The following NUBPL variants were observed in gnomAD, a reference collection of about 807,000 sequenced individuals.
The protein encoded by NUBPL is NUBP iron-sulfur cluster assembly factor, mitochondrial, also known as iron-sulfur cluster transfer protein NUBPL.
A neutral mutation model predicts 45.7 loss-of-function variants in NUBPL; 31 were observed. The ratio of observed to expected loss-of-function variants is 0.68; its 90% confidence interval spans 0.51 to 0.92. NUBPL has a LOEUF of 0.92. NUBPL is among the 40% of genes least tolerant of loss of function. The probability of loss-of-function intolerance (pLI) is 0.00; values close to 1 mark genes in which losing one functional copy is unlikely to be tolerated. For synonymous variants in NUBPL, 144 were observed against 140.9 expected (o/e 1.02, Z -0.15); for missense variants, 401 against 398.7 (o/e 1.01, Z -0.05).
At chr14:31,682,336 C>CA (rs1199534086) in intron 6 of NUBPL, among the ~76,000 whole-genome samples, 1 of 152,140 alleles carries the variant, frequency 6.6e-6, no homozygotes, top group African/African-American at 2.4e-5. Flanking sequence ...AATATAGCCA[C>CA]ATTTGCTTTT....
chr14:31,793,585 G>A (rs1026526760), intron 7 of NUBPL, among the ~76,000 whole-genome samples: 2 of 152,152 alleles, frequency 1.3e-5, no homozygotes, highest in Admixed American at 6.6e-5. Flanking sequence ...GCCAAACTCA[G>A]TGCCTTTCTG....
chr14:31,853,042 T>A (rs2040562012), intron 10 of NUBPL, among the ~76,000 whole-genome samples: 1 of 152,170 alleles, frequency 6.6e-6, no homozygotes, highest in Non-Finnish European at 1.5e-5. Flanking sequence ...TGTTATTTGT[T>A]AATTATCCAC....
intron 6 of NUBPL, among the ~76,000 whole-genome samples, chr14:31,682,239 G>A (rs10146780): frequency 0.037 from 5,634 of 152,056 alleles, 140 homozygotes; most frequent in African/African-American, 0.079. Context: ...TTATGTATTC[G>A]TGGTGAATTT....
chr14:31,616,593 G>A (rs1223831141), intron 4 of NUBPL, among the ~76,000 whole-genome samples: 6 of 152,048 alleles, frequency 3.9e-5, no homozygotes, highest in East Asian at 3.9e-4. Context: ...GATGTGTGGC[G>A]TTATTTCTCA....
chr14:31,813,460 CACACACAT>C (rs1242147245), intron 7 of NUBPL, among the ~76,000 whole-genome samples: 1 of 151,368 alleles, frequency 6.6e-6, no homozygotes, highest in Admixed American at 6.6e-5. Flanking sequence ...CACACACACA[CACACACAT>C]ACATACATAT....
chr14:31,793,828 C>CTTTA (rs1555338718), intron 7 of NUBPL, among the ~76,000 whole-genome samples: 13 of 127,616 alleles, frequency 1.0e-4, no homozygotes, highest in African/African-American at 3.5e-4. Flanking sequence ...CCTTATCTTT[C>CTTTA]TTTTTTTTTT....
chr14:31,846,114 T>C (rs2040447728), intron 8 of NUBPL: 2 of 310,070 alleles, frequency 6.5e-6, no homozygotes, highest in Non-Finnish European at 1.2e-5. Flanking sequence ...CCTTGGCTTG[T>C]TGTCTTCCTT....
At chr14:31,688,705 T>G (rs2037024035) in intron 6 of NUBPL, among the ~76,000 whole-genome samples, 1 of 144,514 alleles carries the variant, frequency 6.9e-6, no homozygotes, top group Non-Finnish European at 1.5e-5. Context: ...AGATAAGGGT[T>G]TGTTATATAG....
At chr14:31,754,426 A>G (rs2038603012) in intron 6 of NUBPL, among the ~76,000 whole-genome samples, 1 of 152,138 alleles carries the variant, frequency 6.6e-6, no homozygotes, top group Non-Finnish European at 1.5e-5. Flanking sequence ...GAAACATGGT[A>G]AGTGAAACTA....
At chr14:31,716,310 A>G (rs1235042703) in intron 6 of NUBPL, among the ~76,000 whole-genome samples, 2 of 152,232 alleles carry the variant, frequency 1.3e-5, no homozygotes. Flanking sequence ...TAAACCAGTG[A>G]CATGGTCCTT....
intron 3 of NUBPL, among the ~76,000 whole-genome samples, chr14:31,590,344 T>G (rs1376417646): frequency 3.9e-5 from 6 of 152,144 alleles, no homozygotes; most frequent in Non-Finnish European, 7.3e-5. Context: ...CAGGAAATTA[T>G]TTCCTCCCAT....
chr14:31,662,139 AGTACCT>A (rs1374741418), intron 4 of NUBPL: 1 of 152,042 alleles, frequency 6.6e-6, no homozygotes, highest in Non-Finnish European at 1.5e-5. Context: ...TGCCAAAGTG[AGTACCT>A]GTTAAATTTT....
chr14:31,799,883 G>A (rs1307940364), intron 7 of NUBPL, among the ~76,000 whole-genome samples: 3 of 152,318 alleles, frequency 2.0e-5, no homozygotes, highest in African/African-American at 7.2e-5. Context: ...AAGATAGCAT[G>A]TGATGCTGTT....
At chr14:31,826,463 C>T (rs1438052573) in intron 7 of NUBPL, among the ~76,000 whole-genome samples, 166 bp from the exon 8 acceptor site, 1 of 152,134 alleles carries the variant, frequency 6.6e-6, no homozygotes, top group Non-Finnish European at 1.5e-5. Flanking sequence ...TAGGCCAAAA[C>T]AAAGTCGACA....
At chr14:31,778,625 C>T (rs941415943) in intron 6 of NUBPL, among the ~76,000 whole-genome samples, 1 of 152,164 alleles carries the variant, frequency 6.6e-6, no homozygotes, top group Non-Finnish European at 1.5e-5. Context: ...ATAATTTTTC[C>T]AGTAAGGTTT....
intron 4 of NUBPL, among the ~76,000 whole-genome samples, chr14:31,651,531 A>T (rs2036003319): frequency 6.6e-6 from 1 of 152,184 alleles, no homozygotes; most frequent in Admixed American, 6.5e-5. Context: ...GGTATTTTTA[A>T]ACCACACATC....
chr14:31,689,493 T>C (rs1268580341), intron 6 of NUBPL, among the ~76,000 whole-genome samples: 1 of 152,194 alleles, frequency 6.6e-6, no homozygotes. Context: ...TCATGTCCTT[T>C]GCCCACTTTT....
At chr14:31,572,447 T>A (rs2033612921) in intron 3 of NUBPL, among the ~76,000 whole-genome samples, 1 of 152,158 alleles carries the variant, frequency 6.6e-6, no homozygotes, top group African/African-American at 2.4e-5. Context: ...CCTAGCTAGA[T>A]TCTTATGATT....
chr14:31,828,782 C>T lies in NUBPL; in HGVS notation c.693+2068C>T, dbSNP rs543782704. On this transcript the variant is annotated intron_variant, in intron 8 of 10. Coordinates refer to ENST00000281081, the MANE Select transcript of NUBPL (RefSeq NM_025152.3). ...CTATGTAAACCTGTATACCTGTGAA[C>T]GTGGATACTTAATCTCATACTGTTC... 1.1e-4 allele frequency among the ~76,000 whole-genome samples: 16 copies of T among 152,196 alleles called. 1 individual carries two copies. In the South Asian group the frequency reaches 3.1e-3, roughly 30 times the overall value.
Sources: gnomAD v4.1 joint callset for allele counts (sites outside exome capture counted in the v4.1 genomes callset) on GRCh38, gnomAD v4.1.1 for gene constraint, MANE v1.5 for transcripts, NCBI Gene and HGNC (gene_info 2026-07-23, HGNC 2026-07-21) for gene names.